The following RHPN2 variants were observed in gnomAD, a reference collection of about 807,000 sequenced individuals.
RHPN2 encodes the protein rhophilin-2.
Under a neutral mutation model 79.0 loss-of-function variants are expected in RHPN2, and 40 were observed. The observed-to-expected ratio is 0.51, with a 90% confidence interval of 0.39 to 0.66. The LOEUF (loss-of-function observed/expected upper bound fraction) is 0.66, where lower values mean the gene tolerates loss of function less well. Ranked by LOEUF, RHPN2 falls within the 30% of genes least tolerant of loss-of-function variation. RHPN2 has a pLI of 0.00. For synonymous variants in RHPN2, 285 were observed against 363.5 expected, an observed-to-expected ratio of 0.78 and a Z score of 2.46; for missense variants, 686 against 883.5, an observed-to-expected ratio of 0.78 and a Z score of 2.83.
At chr19:32,987,340 G>A (rs959316155) in intron 14 of RHPN2, among the ~76,000 whole-genome samples, 2 of 152,088 alleles carry the variant, frequency 1.3e-5, no homozygotes, top group African/African-American at 2.4e-5. Context: ...TTTTGTCTCT[G>A]GATTTGCCTA....
At chr19:33,003,331 C>T (rs1293044896) in intron 7 of RHPN2, among the ~76,000 whole-genome samples, 2 of 126,136 alleles carry the variant, frequency 1.6e-5, no homozygotes, top group East Asian at 4.8e-4. Context: ...GCACTCCAGC[C>T]TGGGTGACAG....
chr19:33,007,072 C>T (rs1432947906), intron 7 of RHPN2, among the ~76,000 whole-genome samples: 2 of 151,838 alleles, frequency 1.3e-5, no homozygotes, highest in African/African-American at 4.8e-5. Context: ...AATAAAATAA[C>T]AAAAGACAGT....
At chr19:32,989,475 T>C (rs1171647287) in intron 14 of RHPN2, among the ~76,000 whole-genome samples, 2 of 152,034 alleles carry the variant, frequency 1.3e-5, no homozygotes, top group African/African-American at 4.8e-5. Flanking sequence ...GCTTCCCAAA[T>C]CTCCCAGGAC....
chr19:33,000,214 G>T lies in RHPN2; in HGVS notation c.1106-509C>A, dbSNP rs1174886381. Among the ~76,000 whole-genome samples, 3 of 116,252 alleles carry T rather than the reference G, an allele frequency of 2.6e-5. No individual in the cohort carries two copies. The Admixed American group carries it at 2.8e-4, about 11-fold the overall frequency. 76.3% of individuals were successfully genotyped at this position (116,252 alleles called of 152,430 possible). A position where few individuals can be genotyped will look rare whatever the true frequency, so the allele number is the denominator to read the frequency against. On this transcript the variant is annotated intron_variant, in intron 9 of 14. Coordinates refer to ENST00000254260, the MANE Select transcript of RHPN2 (RefSeq NM_033103.5). ...CACTGGGACCAGTCACACTCCAGAG[G>T]TTCATAATTTTTTTTTTTTTTTTTG...
chr19:33,046,788 A>C (rs1007594995), intron 1 of RHPN2, among the ~76,000 whole-genome samples: 4 of 152,034 alleles, frequency 2.6e-5, no homozygotes, highest in Non-Finnish European at 4.4e-5. Flanking sequence ...AATGATGTTG[A>C]ATATCTTTTC....
At chr19:32,999,315 C>T (rs1378090006) in intron 10 of RHPN2, among the ~76,000 whole-genome samples, 3 of 152,116 alleles carry the variant, frequency 2.0e-5, no homozygotes, top group Non-Finnish European at 4.4e-5. Flanking sequence ...GTTAGCGTGA[C>T]ACATGCCACC....
At chr19:33,020,032 C>T (rs1403676497) in intron 4 of RHPN2, among the ~76,000 whole-genome samples, 1 of 152,104 alleles carries the variant, frequency 6.6e-6, no homozygotes, top group Non-Finnish European at 1.5e-5. Flanking sequence ...CATGGTCTCT[C>T]CTGTGTTCTC....
Position 32,980,224 on chromosome 19 carries a change from C to T in RHPN2, c.1833G>A (p.Met611Ile). ...AGCAGATCATGGAGTACGTTTTCTG[C>T]ATTCCCACGGAGTATGTGGCACTCT... ...HNKSATYSVGMQKTYSMICLA... is the reference protein window; with the variant it reads ...HNKSATYSVGIQKTYSMICLA... The change falls in exon 15 of 15, where the codon ATG becomes ATA. Residue 611 changes from methionine to isoleucine, a missense_variant. Physicochemically the swap from Met to Ile is conservative, Grantham distance 10. Transcript: ENST00000254260. 1 of 1,613,880 alleles carries T rather than the reference C, an allele frequency of 6.2e-7. No individual in the cohort carries two copies. The highest frequency in any genetic ancestry group is 8.5e-7 in the Non-Finnish European group (1 of 1,179,824).
At chr19:33,028,262 T>C (rs576505366) in intron 2 of RHPN2, among the ~76,000 whole-genome samples, 103 of 151,116 alleles carry the variant, frequency 6.8e-4, no homozygotes, top group African/African-American at 2.5e-3. Context: ...GCTGAAGCCA[T>C]CCTCCAGCCT....
At chr19:33,039,479 G>A (rs1184835835) in intron 2 of RHPN2, among the ~76,000 whole-genome samples, 1 of 152,054 alleles carries the variant, frequency 6.6e-6, no homozygotes, top group Non-Finnish European at 1.5e-5. Context: ...AGGCCCGAGG[G>A]ACTTGTTCAC....
At chr19:32,984,659 CAA>C (rs553211620) in intron 14 of RHPN2, among the ~76,000 whole-genome samples, 2 of 147,748 alleles carry the variant, frequency 1.4e-5, no homozygotes, top group East Asian at 4.0e-4. Flanking sequence ...ACTCTGTCTC[CAA>C]AAAAAAAGAG....
chr19:33,043,655 G>C (rs1445068572), intron 2 of RHPN2, among the ~76,000 whole-genome samples: 1 of 152,192 alleles, frequency 6.6e-6, no homozygotes, highest in Non-Finnish European at 1.5e-5. Flanking sequence ...CTGGCACATT[G>C]TCTTTTGTTG....
intron 7 of RHPN2, among the ~76,000 whole-genome samples, chr19:33,003,882 G>C (rs1235031287): frequency 6.6e-6 from 1 of 152,098 alleles, no homozygotes; most frequent in Non-Finnish European, 1.5e-5. Context: ...TGATGAAAAA[G>C]TTCCGGAGAT....
At chr19:32,981,316 T>C (rs1971571967) in intron 14 of RHPN2, among the ~76,000 whole-genome samples, 1 of 149,784 alleles carries the variant, frequency 6.7e-6, no homozygotes, top group Non-Finnish European at 1.5e-5. Context: ...GAGGGGAAGA[T>C]TGCTTGAGCC....
chr19:33,041,328 C>T (rs555821321), intron 2 of RHPN2, among the ~76,000 whole-genome samples: 9 of 152,194 alleles, frequency 5.9e-5, no homozygotes, highest in South Asian at 2.1e-4. Flanking sequence ...GAGACAGCCA[C>T]GTAATGGGTC....
At position 33,018,101 on chromosome 19, in the gene RHPN2, C is replaced by T. The variant is rs376833609; in HGVS notation, c.390+3470G>A. 2.0e-4 allele frequency among the ~76,000 whole-genome samples: 30 copies of T among 151,622 alleles called. No individual in the cohort carries two copies. The East Asian group carries it at 2.1e-3, about 11-fold the overall frequency. On this transcript the variant is annotated intron_variant, in intron 4 of 14. Coordinates refer to ENST00000254260, the MANE Select transcript of RHPN2 (RefSeq NM_033103.5). ...CCAGGAGGTGGAGGTTGCAGTGAGC[C>T]GAGATCACGCCACTGCACTCTAGCC...
intron 1 of RHPN2, among the ~76,000 whole-genome samples, chr19:33,055,150 G>C (rs1336117410): frequency 6.6e-6 from 1 of 152,092 alleles, no homozygotes; most frequent in East Asian, 1.9e-4. Flanking sequence ...AGGAGTTGAA[G>C]ACCAGCCTAG....
chr19:33,003,058 G>T, intron 7 of RHPN2, 58 bp from the exon 8 acceptor site: 3 of 1,523,768 alleles, frequency 2.0e-6, no homozygotes, highest in Non-Finnish European at 2.7e-6. Context: ...TCATCACGTT[G>T]CTATAGAGAA....
At chr19:33,005,544 G>A (rs1406010006) in intron 7 of RHPN2, among the ~76,000 whole-genome samples, 1 of 143,128 alleles carries the variant, frequency 7.0e-6, no homozygotes, top group Non-Finnish European at 1.5e-5. Flanking sequence ...AATCAATCTG[G>A]AACTGAAATA....
Sources: allele counts gnomAD v4.1 joint callset (sites outside exome capture counted in the v4.1 genomes callset), GRCh38; gene constraint gnomAD v4.1.1; transcripts MANE v1.5; gene names NCBI Gene and HGNC (gene_info 2026-07-23, HGNC 2026-07-21).